The following CD276 variants were observed in gnomAD, a reference collection of about 807,000 sequenced individuals.
CD276 encodes the protein CD276 molecule.
In CD276, 34 loss-of-function variants were observed where a neutral mutation model predicts 50.0. The ratio of observed to expected loss-of-function variants is 0.68; its 90% CI spans 0.52 to 0.91. CD276 has a LOEUF of 0.91. CD276 is among the 40% of genes least tolerant of loss of function. The pLI is 0.00. For synonymous variants in CD276, 275 were observed against 313.0 expected (o/e 0.88, Z 1.28); for missense variants, 634 against 717.5 (o/e 0.88, Z 1.33).
At position 73,693,794 on chromosome 15, in the gene CD276, G is replaced by A. The variant is rs1900069511; in HGVS notation, c.-54-5792G>A. 3.3e-5 allele frequency among the ~76,000 whole-genome samples: 5 copies of A among 151,916 alleles called. No homozygotes were observed. In the South Asian group the frequency reaches 1.0e-3, roughly 32 times the overall value. On this transcript the variant is annotated intron_variant, in intron 1 of 9. Transcript: ENST00000318443. Reference sequence around the variant, plus strand: ...GGAGACAAATTTGGGCTAAGTATAAGGTAGAGCTTCTCACCGATGAACGCT... The same window carrying A: ...GGAGACAAATTTGGGCTAAGTATAAAGTAGAGCTTCTCACCGATGAACGCT...
At chr15:73,690,381 T>G (rs1899940031) in intron 1 of CD276, among the ~76,000 whole-genome samples, 1 of 152,214 alleles carries the variant, frequency 6.6e-6, no homozygotes, top group Non-Finnish European at 1.5e-5. Context: ...AAGGTGACCC[T>G]CAGAATATGG....
At chr15:73,698,216 G>A (rs1044996261) in intron 1 of CD276, among the ~76,000 whole-genome samples, 1 of 152,172 alleles carries the variant, frequency 6.6e-6, no homozygotes, top group Non-Finnish European at 1.5e-5. Flanking sequence ...TTCCACTTCT[G>A]ATCTGTCTTG....
chr15:73,693,798 G>C (rs1245195194), intron 1 of CD276, among the ~76,000 whole-genome samples: 1 of 151,506 alleles, frequency 6.6e-6, no homozygotes, highest in Admixed American at 6.6e-5. Flanking sequence ...GTATAAGGTA[G>C]AGCTTCTCAC....
chr15:73,703,733 T>C lies in CD276; in HGVS notation c.808T>C (p.Phe270Leu). Residue 270 changes from phenylalanine to leucine, a missense_variant, in exon 5 of 10, where the codon TTC (phenylalanine) becomes CTC (leucine). Coordinates refer to ENST00000318443, the MANE Select transcript of CD276 (RefSeq NM_001024736.2). ...CACCGATGCCACCCTGCGCTGCTCC[T>C]TCTCCCCCGAGCCTGGCTTCAGCCT... ...VGTDATLRCS[F>L]SPEPGFSLAQ... 1 of 1,613,446 alleles carries C rather than the reference T, an allele frequency of 6.2e-7. No homozygotes were observed. Among genetic ancestry groups the C allele is most frequent in the Non-Finnish European group, 8.5e-7 (1 of 1,179,984 alleles).
Position 73,702,483 on chromosome 15 carries a change from G to C in CD276, c.308G>C (p.Gly103Ala), listed in dbSNP as rs1489953306. The change falls in exon 3 of 10, where the codon GGC becomes GCC. Residue 103 changes from glycine to alanine, a missense_variant. Gly to Ala is a moderately conservative substitution (Grantham distance 60, BLOSUM62 0). Coordinates refer to ENST00000318443, the MANE Select transcript of CD276 (RefSeq NM_001024736.2). Reference protein sequence around the residue: ...TALFPDLLAQGNASLRLQRVR... With the variant: ...TALFPDLLAQANASLRLQRVR... ...CTCTTCCCGGACCTGCTGGCACAGG[G>C]CAACGCATCCCTGAGGCTGCAGCGC... is the stretch of plus-strand genomic sequence containing the variant. 6 of 1,613,642 alleles carry C rather than the reference G, an allele frequency of 3.7e-6. No individual in the cohort carries two copies. The highest frequency in any genetic ancestry group is 5.1e-6 in the Non-Finnish European group (6 of 1,180,020).
chr15:73,708,581 G>A, intron 7 of CD276, 108 bp downstream of exon 7: 1 of 1,339,224 alleles, frequency 7.5e-7, no homozygotes. Flanking sequence ...CAGAACGAGT[G>A]TGTGTGTGCA....
chr15:73,700,935 G>T, intron 2 of CD276, among the ~76,000 whole-genome samples: 1 of 2,080 alleles, frequency 4.8e-4, no homozygotes. Context: ...ATGGGGTCTT[G>T]CTCTGTTGCC....
chr15:73,702,979 G>C lies in CD276; in HGVS notation c.626G>C (p.Arg209Pro). ...QGLFDVHSIL[R>P]VVLGANGTYS... ...TTGTTTGATGTGCACAGCATCCTGC[G>C]GGTGGTGCTGGGTGCAAATGGCACC... The change falls in exon 4 of 10, where the codon CGG becomes CCG. Residue 209 changes from arginine (R) to proline (P), a missense_variant. Arg to Pro is a moderately radical substitution (Grantham distance 103). Transcript: ENST00000318443. The C allele has an allele frequency of 1.2e-6, 2 of 1,614,152 alleles. No homozygotes were observed. The highest frequency in any genetic ancestry group is 1.7e-6 in the Non-Finnish European group (2 of 1,180,034).
intron 6 of CD276, among the ~76,000 whole-genome samples, chr15:73,708,083 T>C (rs921499725): frequency 1.3e-5 from 2 of 152,208 alleles, no homozygotes; most frequent in Non-Finnish European, 1.5e-5. Context: ...TAGGGAGCCA[T>C]AGAAGGTACT....
At chr15:73,709,583 A>G in intron 7 of CD276, 65 bp from the exon 8 acceptor site, 1 of 1,539,286 alleles carries the variant, frequency 6.5e-7, no homozygotes, top group Non-Finnish European at 9.0e-7. Context: ...CTCAGGTGGG[A>G]AAGTGCTGGC....
rs1899807152 is a variant in CD276 at position 73,687,264 on chromosome 15, A to C, written c.-55+2804A>C. Among the ~76,000 whole-genome samples the C allele has an allele frequency of 6.6e-6, 1 of 152,020 alleles. No homozygotes were observed. The highest frequency in any genetic ancestry group is 1.5e-5 in the Non-Finnish European group (1 of 67,978). On this transcript the variant is annotated intron_variant, in intron 1 of 9. Coordinates refer to ENST00000318443, the MANE Select transcript of CD276 (RefSeq NM_001024736.2). This position sits in a 1 kb window ranked among gnomAD's most constrained non-coding sequence, Gnocchi z 4.0. ...CTGGAGGCTAAATAGACATTATCTC[A>C]TGTAATCCTCATAGTAATCCTATGA...
At chr15:73,705,550 A>G (rs996977337) in intron 6 of CD276, among the ~76,000 whole-genome samples, 2 of 151,992 alleles carry the variant, frequency 1.3e-5, no homozygotes, top group Admixed American at 6.6e-5. Context: ...CAAGATGGAA[A>G]ACACTCCCTT....
chr15:73,710,547 G>A (rs1478522916), intron 8 of CD276, among the ~76,000 whole-genome samples: 1 of 152,212 alleles, frequency 6.6e-6, no homozygotes, highest in Non-Finnish European at 1.5e-5. Context: ...GTTAATGCCA[G>A]TTCCCTCCCC....
intron 1 of CD276, among the ~76,000 whole-genome samples, chr15:73,689,279 C>G (rs1448596913): frequency 6.6e-6 from 1 of 151,048 alleles, no homozygotes; most frequent in Non-Finnish European, 1.5e-5. Flanking sequence ...CCTGCACATG[C>G]CTCTAGTTCC....
At chr15:73,689,682 T>G (rs1899915193) in intron 1 of CD276, among the ~76,000 whole-genome samples, 2 of 152,206 alleles carry the variant, frequency 1.3e-5, no homozygotes, top group South Asian at 4.1e-4. Flanking sequence ...AGAGGATATT[T>G]TCATAAAGTT....
At chr15:73,700,112 A>G (rs2141558412) in intron 2 of CD276, among the ~76,000 whole-genome samples, 1 of 151,986 alleles carries the variant, frequency 6.6e-6, no homozygotes, top group East Asian at 1.9e-4. Context: ...ATAAAATAGC[A>G]CACCTCCGCT....
intron 6 of CD276, among the ~76,000 whole-genome samples, chr15:73,707,851 G>T (rs1900707968): frequency 6.6e-6 from 1 of 152,242 alleles, no homozygotes; most frequent in Non-Finnish European, 1.5e-5. Flanking sequence ...GGCCTCTGGA[G>T]GAGGTGAATA....
At chr15:73,696,835 T>C (rs2141551329) in intron 1 of CD276, among the ~76,000 whole-genome samples, 1 of 152,258 alleles carries the variant, frequency 6.6e-6, no homozygotes, top group African/African-American at 2.4e-5. Context: ...GATTCCTGTC[T>C]TAGGTCCTAA....
chr15:73,711,498 C>G (rs1900899168), intron 9 of CD276: 2 of 306,048 alleles, frequency 6.5e-6, no homozygotes, highest in African/African-American at 4.3e-5. Flanking sequence ...CAACTTCAAG[C>G]TTTCACTCCT....
Sources: allele counts gnomAD v4.1 joint callset (sites outside exome capture counted in the v4.1 genomes callset), GRCh38; gene constraint gnomAD v4.1.1; non-coding constraint Gnocchi (gnomAD v3.1); transcripts MANE v1.5; gene names NCBI Gene and HGNC (gene_info 2026-07-23, HGNC 2026-07-21).